Variants in LRRC19 observed in about 807,000 individuals in gnomAD.
LRRC19 encodes leucine-rich repeat-containing protein 19.
In LRRC19, 33 loss-of-function variants were observed where a neutral mutation model predicts 33.3. The ratio of observed to expected loss-of-function variants is 0.99; its 90% CI spans 0.75 to 1.33. LRRC19 has a LOEUF of 1.33. Ranked by LOEUF, LRRC19 falls within the 40% of genes most tolerant of loss-of-function variation. The pLI is 0.00. For missense variants in LRRC19, 463 were observed against 417.3 expected (o/e 1.11, Z -0.95); for synonymous variants, 184 against 152.3 (o/e 1.21, Z -1.53).
intron 1 of LRRC19, among the ~76,000 whole-genome samples, chr9:27,003,826 C>G (rs1233301528): frequency 6.6e-6 from 1 of 152,162 alleles, no homozygotes; most frequent in African/African-American, 2.4e-5. Context: ...ATCACTTATT[C>G]AAGATGATTG....
chr9:26,998,877 C>T (rs910918126), intron 2 of LRRC19, among the ~76,000 whole-genome samples: 2 of 151,954 alleles, frequency 1.3e-5, no homozygotes, highest in African/African-American at 4.8e-5. Flanking sequence ...ACCTGTAATC[C>T]CAGCTACTTG....
chr9:27,004,795 T>C (rs778885212), intron 1 of LRRC19, among the ~76,000 whole-genome samples: 3 of 152,190 alleles, frequency 2.0e-5, no homozygotes, highest in Non-Finnish European at 4.4e-5. Flanking sequence ...AATATCAGTT[T>C]CTTTTGTTAT....
intron 1 of LRRC19, 67 bp from the exon 2 acceptor site, chr9:26,999,770 C>CTTTTTTTT (rs1179000269): frequency 1.1e-4 from 39 of 340,152 alleles, no homozygotes; most frequent in African/African-American, 2.8e-4. Context: ...TCTGTTTATT[C>CTTTTTTTT]TTTTTTTTTT....
At position 26,997,831 on chromosome 9, in the gene LRRC19, T is replaced by C. The variant is rs866593464; in HGVS notation, c.492A>G (p.Pro164=). The change falls in exon 3 of 5, where the codon CCA becomes CCG. Residue 164 remains proline (P), a synonymous_variant. Coordinates refer to ENST00000380055, the MANE Select transcript of LRRC19 (RefSeq NM_022901.3). Reference sequence around the variant, plus strand: ...AAGTTATTAATTCCAGATGAAATAGTGGTGGTACATCCAAATAGCTAATCA... The same window carrying C: ...AAGTTATTAATTCCAGATGAAATAGCGGTGGTACATCCAAATAGCTAATCA... ...GNLISYLDVP[P]LFHLELITLY... 1 of 1,614,194 alleles carries C rather than the reference T, an allele frequency of 6.2e-7. No individual in the cohort carries two copies. Among genetic ancestry groups the C allele is most frequent in the South Asian group, 1.1e-5 (1 of 91,072 alleles).
intron 1 of LRRC19, among the ~76,000 whole-genome samples, chr9:27,003,300 A>G (rs969515884): frequency 6.6e-6 from 1 of 152,128 alleles, no homozygotes; most frequent in South Asian, 2.1e-4. Context: ...AGGCGGGCAG[A>G]TCACCTGAGG....
chr9:26,995,768 A>C lies in LRRC19; in HGVS notation c.866T>G (p.Ile289Ser), dbSNP rs140151163. 138 of 1,613,762 alleles carry C rather than the reference A, an allele frequency of 8.6e-5. No individual in the cohort carries two copies. The highest frequency in any genetic ancestry group is 1.4e-5 in the Non-Finnish European group (16 of 1,179,888). ...GTACCATATTGGGCATTTGATAGCA[A>C]TAAAAATGAGAAGTGAAGTCGTCAG... is the stretch of plus-strand genomic sequence containing the variant. ...TVLTTSLLIF[I>S]AIKCPIWYNI... is the part of the protein sequence containing the mutation. The change falls in exon 5 of 5, where the codon ATT becomes AGT. Residue 289 changes from isoleucine (I) to serine (S), a missense_variant. Physicochemically the swap from Ile to Ser is moderately radical, Grantham distance 142. Transcript: ENST00000380055.
chr9:27,003,542 T>A (rs914057296), intron 1 of LRRC19, among the ~76,000 whole-genome samples: 5 of 151,946 alleles, frequency 3.3e-5, no homozygotes, highest in Non-Finnish European at 7.4e-5. Flanking sequence ...AAAGAAAAAC[T>A]AATCAGAGTA....
rs149572117 is a variant in LRRC19 at position 26,997,970 on chromosome 9, A to G, written c.353T>C (p.Leu118Ser). ...SIYVIQQGAF[L>S]GLNKLKQLYL... is the part of the protein sequence containing the mutation. Reference sequence around the variant, plus strand: ...TAACTGTTTTAGTTTATTTAAGCCTAAAAATGCACCCTGTTGAATTACATA... The same window carrying G: ...TAACTGTTTTAGTTTATTTAAGCCTGAAAATGCACCCTGTTGAATTACATA... The change falls in exon 3 of 5, where the codon TTA (leucine) becomes TCA (serine). Residue 118 changes from leucine to serine, a missense_variant. Coordinates refer to ENST00000380055, the MANE Select transcript of LRRC19 (RefSeq NM_022901.3). 5,461 of 1,613,934 alleles carry G rather than the reference A, an allele frequency of 3.4e-3. 18 individuals carry two copies. Among genetic ancestry groups the G allele is most frequent in the Middle Eastern group, 9.2e-3 (56 of 6,062 alleles).
At chr9:26,998,269 T>TA in intron 2 of LRRC19, 28 bp from the exon 3 acceptor site, 1 of 1,273,568 alleles carries the variant, frequency 7.9e-7, no homozygotes, top group Non-Finnish European at 1.1e-6. Context: ...AGAAAGGCAT[T>TA]AATCAGAAAA....
chr9:26,999,507 A>T, intron 2 of LRRC19, 107 bp downstream of exon 2: 1 of 763,328 alleles, frequency 1.3e-6, no homozygotes. Context: ...TCTTAATTTT[A>T]GTAGGTCAGA....
intron 2 of LRRC19, 75 bp from the exon 3 acceptor site, chr9:26,998,316 C>T (rs955990221): frequency 2.2e-6 from 2 of 913,404 alleles, no homozygotes; most frequent in Non-Finnish European, 3.1e-6. Flanking sequence ...CATATTTAAG[C>T]ACTTAGACAT....
At position 26,995,990 on chromosome 9, in the gene LRRC19, G is replaced by A. The variant is rs576891432; in HGVS notation, c.785-141C>T. ...TAGTTTTCTTTAGATTTTGTTTGGT[G>A]GATGAATTCTCTTTGTTCAAAATAG... is the stretch of plus-strand genomic sequence containing the variant. On this transcript the variant is annotated intron_variant, in intron 4 of 4. Coordinates refer to ENST00000380055, the MANE Select transcript of LRRC19 (RefSeq NM_022901.3). The A allele has an allele frequency of 1.0e-5, 7 of 676,812 alleles. No individual in the cohort carries two copies. In the South Asian group the frequency reaches 2.0e-4, roughly 19 times the overall value. The allele number at this position is 676,812 out of a possible 1,614,324, so 41.9% of individuals were successfully genotyped here.
In LRRC19 at chr9:26,999,771, T is replaced by TC. The variant is rs1491265886; in HGVS notation, c.-9-69_-9-68insG. The TC allele has an allele frequency of 4.5e-5, 5 of 111,464 alleles. No homozygotes were observed. In the Admixed American group the frequency reaches 5.7e-4, roughly 13 times the overall value. The allele number at this position is 111,464 out of a possible 1,614,324, so 6.9% of individuals were successfully genotyped here. On this transcript the variant is annotated intron_variant, in intron 1 of 4. Transcript: ENST00000380055. ...TTCCCTCTTTTGAATCTGTTTATTC[T>TC]TTTTTTTTTTTTTTTTTTTTGGCTG...
At chr9:27,005,225 A>C (rs1828704766) in intron 1 of LRRC19, among the ~76,000 whole-genome samples, 2 of 151,976 alleles carry the variant, frequency 1.3e-5, no homozygotes, top group Admixed American at 1.3e-4. Flanking sequence ...ATAATCATCA[A>C]CTCATGGCCA....
chr9:26,999,266 G>A (rs1439327958), intron 2 of LRRC19, among the ~76,000 whole-genome samples: 2 of 152,040 alleles, frequency 1.3e-5, no homozygotes, highest in African/African-American at 4.8e-5. Flanking sequence ...TGTTTTTGCA[G>A]TTAGATTTTT....
chr9:27,004,137 A>T (rs924285669), intron 1 of LRRC19, among the ~76,000 whole-genome samples: 1 of 152,214 alleles, frequency 6.6e-6, no homozygotes, highest in Non-Finnish European at 1.5e-5. Context: ...CAGGTGAAAA[A>T]AGTAATGGAG....
chr9:26,999,773 T>A, intron 1 of LRRC19, 70 bp from the exon 2 acceptor site: 11 of 512,000 alleles, frequency 2.1e-5, no homozygotes, highest in South Asian at 4.1e-5. Context: ...GTTTATTCTT[T>A]TTTTTTTTTT....
rs777725816 is a variant in LRRC19, at chr9:26,999,618, T to G, written c.77A>C (p.Lys26Thr). ...ATTTTGATTGTAAAAACTTACTCTT[T>G]TAGAAGACTGGATTTTGTCTGATAA... ...ILLSDKIQSS[K>T]REVQCNFTEK... Residue 26 changes from lysine to threonine, a missense_variant, in exon 2 of 5, where the codon AAA becomes ACA. Lys to Thr is a moderately conservative substitution (Grantham distance 78). Coordinates refer to ENST00000380055, the MANE Select transcript of LRRC19 (RefSeq NM_022901.3). 18 of 1,593,900 alleles carry G rather than the reference T, an allele frequency of 1.1e-5. No individual in the cohort carries two copies. The South Asian group carries it at 2.0e-4, about 18-fold the overall frequency.
At chr9:27,003,113 C>T (rs892133096) in intron 1 of LRRC19, among the ~76,000 whole-genome samples, 1 of 152,032 alleles carries the variant, frequency 6.6e-6, no homozygotes, top group African/African-American at 2.4e-5. Flanking sequence ...TATCTAAATT[C>T]TACCAATTTT....
Sources: allele counts gnomAD v4.1 joint callset (sites outside exome capture counted in the v4.1 genomes callset), GRCh38; gene constraint gnomAD v4.1.1; transcripts MANE v1.5; gene names NCBI Gene and HGNC (gene_info 2026-07-23, HGNC 2026-07-21).